Variants in ACSL3 observed in about 807,000 individuals in gnomAD.
ACSL3 encodes the protein fatty acid CoA ligase Acsl3.
In ACSL3, 34 loss-of-function variants were observed where a neutral mutation model predicts 84.7. The observed-to-expected ratio is 0.40, with a 90% CI of 0.31 to 0.53. ACSL3 has a LOEUF of 0.53. ACSL3 is among the 20% of genes least tolerant of loss of function. The probability of loss-of-function intolerance (pLI) is 0.48; values close to 1 mark genes in which losing one functional copy is unlikely to be tolerated. For synonymous variants in ACSL3, 315 were observed against 299.4 expected (o/e 1.05, Z -0.54); for missense variants, 680 against 873.1 (o/e 0.78, Z 2.79).
At chr2:222,895,274 A>G (rs1695945222) in intron 2 of ACSL3, among the ~76,000 whole-genome samples, 1 of 152,110 alleles carries the variant, frequency 6.6e-6, no homozygotes, top group South Asian at 2.1e-4. Flanking sequence ...CCAGAAGAAA[A>G]TCTTCTGCAA....
intron 1 of ACSL3, among the ~76,000 whole-genome samples, chr2:222,884,416 A>G (rs1052685411): frequency 6.6e-5 from 10 of 152,210 alleles, no homozygotes; most frequent in African/African-American, 1.9e-4. Flanking sequence ...ATTAATGTTA[A>G]TAGAGACCAG....
chr2:222,908,827 A>C lies in ACSL3; in HGVS notation c.55A>C (p.Asn19His). The C allele has an allele frequency of 2.5e-6, 4 of 1,605,590 alleles. No individual in the cohort carries two copies. The highest frequency in any genetic ancestry group is 3.4e-6 in the Non-Finnish European group (4 of 1,175,996). ...PSTMKLKHTI[N>H]PILLYFIHFL... ...TACCATGAAGCTAAAACATACCATC[A>C]ACCCTATTCTTTTATATTTTATACA... Residue 19 changes from asparagine (N) to histidine (H), a missense_variant, in exon 4 of 17, where the codon AAC becomes CAC. By Grantham distance (68) the Asn-to-His change is moderately conservative (BLOSUM62 1). Coordinates refer to ENST00000357430, the MANE Select transcript of ACSL3 (RefSeq NM_004457.5).
At chr2:222,933,561 C>T in intron 15 of ACSL3, 1 of 236,258 alleles carries the variant, frequency 4.2e-6, no homozygotes, top group Non-Finnish European at 8.2e-6. Flanking sequence ...GCCTTGGTAC[C>T]CCTACCTACC....
chr2:222,884,506 C>T (rs1321919621), intron 1 of ACSL3, among the ~76,000 whole-genome samples: 1 of 152,180 alleles, frequency 6.6e-6, no homozygotes, highest in Non-Finnish European at 1.5e-5. Flanking sequence ...CTGTTCCTTG[C>T]CTCTTTCAGT....
At chr2:222,879,922 A>T (rs1024580860) in intron 1 of ACSL3, among the ~76,000 whole-genome samples, 13 of 151,886 alleles carry the variant, frequency 8.6e-5, no homozygotes, top group Non-Finnish European at 1.8e-4. Flanking sequence ...TATTTATGGA[A>T]TATGGGAGCT....
At chr2:222,873,919 T>C (rs968543042) in intron 1 of ACSL3, among the ~76,000 whole-genome samples, 1 of 152,254 alleles carries the variant, frequency 6.6e-6, no homozygotes, top group African/African-American at 2.4e-5. Flanking sequence ...TTAAAGGCTC[T>C]TAATAAAAAT....
At chr2:222,882,582 G>C (rs1559280501) in intron 1 of ACSL3, among the ~76,000 whole-genome samples, 1 of 152,082 alleles carries the variant, frequency 6.6e-6, no homozygotes, top group Non-Finnish European at 1.5e-5. Context: ...CCGAATTCCT[G>C]CTCCTGTGAG....
chr2:222,938,682 A>G (rs1697232684), intron 16 of ACSL3, among the ~76,000 whole-genome samples: 1 of 152,086 alleles, frequency 6.6e-6, no homozygotes, highest in Non-Finnish European at 1.5e-5. Context: ...CTTCTCAGAT[A>G]CAGGAAGGTT....
chr2:222,900,542 CT>C (rs1332602612), intron 2 of ACSL3, 131 bp from the exon 3 acceptor site: 9 of 152,082 alleles, frequency 5.9e-5, no homozygotes. Context: ...TATTTTCTTT[CT>C]ACCAACCATG....
In ACSL3 at chr2:222,918,174, TTCTAACTGTCTGATAC is replaced by T. The variant is rs752741296; in HGVS notation, c.666+21_666+36del. The T allele has an allele frequency of 6.6e-7, 1 of 1,522,604 alleles. No individual in the cohort carries two copies. Among genetic ancestry groups the T allele is most frequent in the Admixed American group, 1.7e-5 (1 of 58,678 alleles). 94.3% of individuals were successfully genotyped at this position (1,522,604 alleles called of 1,614,324 possible). ...GTTGAAGGTGAGGACTCTAGTTACT[TTCTAACTGTCTGATAC>T]TTTAGAATTTTCAGTGTCATGAGCC... On this transcript the variant is annotated intron_variant, in intron 6 of 16. Transcript: ENST00000357430.
chr2:222,936,627 C>T (rs547671185), intron 16 of ACSL3, among the ~76,000 whole-genome samples: 39 of 149,954 alleles, frequency 2.6e-4, no homozygotes, highest in African/African-American at 9.1e-4. Context: ...ACCCCACCCC[C>T]GTAGTTAAGT....
chr2:222,879,742 A>G (rs1222031386), intron 1 of ACSL3, among the ~76,000 whole-genome samples: 7 of 152,192 alleles, frequency 4.6e-5, no homozygotes, highest in Non-Finnish European at 1.0e-4. Context: ...CATTTGCCGT[A>G]GTCTGCGGTG....
intron 1 of ACSL3, among the ~76,000 whole-genome samples, chr2:222,883,162 T>C (rs1695633142): frequency 6.8e-6 from 1 of 146,824 alleles, no homozygotes; most frequent in Non-Finnish European, 1.5e-5. Context: ...GGTGGTTTGC[T>C]TTCTGTTTTT....
At chr2:222,884,424 C>T (rs934268985) in intron 1 of ACSL3, among the ~76,000 whole-genome samples, 14 of 152,252 alleles carry the variant, frequency 9.2e-5, no homozygotes, top group African/African-American at 3.4e-4. Flanking sequence ...TAATAGAGAC[C>T]AGAAGTTCAA....
chr2:222,939,664 T>C (rs1697255693), intron 16 of ACSL3, among the ~76,000 whole-genome samples: 3 of 152,214 alleles, frequency 2.0e-5, no homozygotes, highest in Non-Finnish European at 4.4e-5. Flanking sequence ...GGGGAGGGTC[T>C]CTGGCAAGCG....
At chr2:222,877,085 G>A (rs760130462) in intron 1 of ACSL3, among the ~76,000 whole-genome samples, 1 of 152,178 alleles carries the variant, frequency 6.6e-6, no homozygotes, top group Non-Finnish European at 1.5e-5. Context: ...AATGCTTGGG[G>A]AACTGAAAGG....
chr2:222,939,958 A>AT (rs1342914321), intron 16 of ACSL3, among the ~76,000 whole-genome samples: 8 of 152,088 alleles, frequency 5.3e-5, no homozygotes, highest in African/African-American at 9.7e-5. Context: ...GAAACTTGTC[A>AT]TTTTTTTGCA....
chr2:222,906,939 T>TA (rs1194332201), intron 3 of ACSL3, among the ~76,000 whole-genome samples: 3 of 152,220 alleles, frequency 2.0e-5, no homozygotes, highest in African/African-American at 7.2e-5. Flanking sequence ...ACAGTGCCAT[T>TA]AGGCATGAAC....
intron 1 of ACSL3, among the ~76,000 whole-genome samples, chr2:222,872,400 A>G (rs1695328810): frequency 6.6e-6 from 1 of 152,194 alleles, no homozygotes. Flanking sequence ...TGCTGGGATT[A>G]CAGGTGCTCC....
Sources: allele counts gnomAD v4.1 joint callset (sites outside exome capture counted in the v4.1 genomes callset), GRCh38; gene constraint gnomAD v4.1.1; transcripts MANE v1.5; gene names NCBI Gene and HGNC (gene_info 2026-07-23, HGNC 2026-07-21).